The following NSD1 variants were observed in gnomAD, a reference collection of about 807,000 sequenced individuals.
NSD1 encodes nuclear receptor binding SET domain protein 1.
A neutral mutation model predicts 242.7 loss-of-function variants in NSD1; 26 were observed. That is an observed-to-expected ratio of 0.11 (90% CI 0.08 to 0.15). The LOEUF is 0.15. Ranked by LOEUF, NSD1 falls within the 10% of genes least tolerant of loss-of-function variation. The pLI is 1.00. For synonymous variants in NSD1, 1,106 were observed against 1,178.1 expected (o/e 0.94, Z 1.25); for missense variants, 2,495 against 3,272.8 (o/e 0.76, Z 5.80).
At chr5:177,275,609 A>G (rs1194088791) in intron 17 of NSD1, among the ~76,000 whole-genome samples, 2 of 150,998 alleles carry the variant, frequency 1.3e-5, no homozygotes, top group African/African-American at 4.9e-5. Context: ...AATTTTTTGT[A>G]TTTTTAGTAG....
At chr5:177,254,897 T>A (rs1269536348) in intron 12 of NSD1, among the ~76,000 whole-genome samples, 4 of 152,194 alleles carry the variant, frequency 2.6e-5, no homozygotes, top group Non-Finnish European at 5.9e-5. Context: ...GGAAAGCTAT[T>A]ATCTTTGAGA....
At chr5:177,284,981 A>G (rs1759191720) in intron 20 of NSD1, among the ~76,000 whole-genome samples, 1 of 152,190 alleles carries the variant, frequency 6.6e-6, no homozygotes, top group Non-Finnish European at 1.5e-5. Context: ...AACCTCTAGG[A>G]TGTCAAAGAA....
At chr5:177,260,411 A>G (rs187650098) in intron 14 of NSD1, among the ~76,000 whole-genome samples, 104 of 147,068 alleles carry the variant, frequency 7.1e-4, no homozygotes, top group African/African-American at 2.5e-3. Flanking sequence ...CTATGGCACA[A>G]TCTCAGCTAA....
In NSD1 at chr5:177,212,110, T is replaced by C. The variant is rs2149849305; in HGVS notation, c.3711T>C (p.Cys1237=). Reference sequence around the variant, plus strand: ...CAGCTGGGCCACGGTTAAATGTTTGTGATAAATCCAGTGCCAGCATTGGTG... The same window carrying C: ...CAGCTGGGCCACGGTTAAATGTTTGCGATAAATCCAGTGCCAGCATTGGTG... ...LDSAGPRLNV[C]DKSSASIGDM... Residue 1237 remains cysteine (C), a synonymous_variant, in exon 5 of 23, where the codon TGT becomes TGC. Coordinates refer to ENST00000439151, the MANE Select transcript of NSD1 (RefSeq NM_022455.5). The C allele has an allele frequency of 6.2e-7, 1 of 1,613,978 alleles. No homozygotes were observed. The highest frequency in any genetic ancestry group is 8.5e-7 in the Non-Finnish European group (1 of 1,180,010).
chr5:177,215,439 G>A (rs1213369455), intron 5 of NSD1, among the ~76,000 whole-genome samples: 1 of 152,092 alleles, frequency 6.6e-6, no homozygotes, highest in Non-Finnish European at 1.5e-5. Context: ...GCCTCCCAAA[G>A]TGCTGGGATT....
At chr5:177,261,475 G>C (rs1341422364) in intron 14 of NSD1, among the ~76,000 whole-genome samples, 1 of 151,854 alleles carries the variant, frequency 6.6e-6, no homozygotes, top group African/African-American at 2.4e-5. Flanking sequence ...CTGACAACTT[G>C]ATTTTTGCTA....
At chr5:177,282,648 A>G in intron 19 of NSD1, 67 bp downstream of exon 19, 1 of 1,149,778 alleles carries the variant, frequency 8.7e-7, no homozygotes, top group Non-Finnish European at 1.3e-6. Flanking sequence ...CAGCCATAGT[A>G]TTTGTAGGCA....
In NSD1 at chr5:177,210,452, A is replaced by G; in HGVS notation, c.2053A>G (p.Lys685Glu). 1 of 1,614,168 alleles carries G rather than the reference A, an allele frequency of 6.2e-7. No individual in the cohort carries two copies. Among genetic ancestry groups the G allele is most frequent in the Non-Finnish European group, 8.5e-7 (1 of 1,180,038 alleles). ...ATCTATGCAGAAAAATGAAAAGATA[A>G]AGTATTCTAGGTTTGCTGCCACAAA... ...MLSMQKNEKI[K>E]YSRFAATNTR... Residue 685 changes from lysine (K) to glutamate (E), a missense_variant, in exon 5 of 23, where the codon AAG becomes GAG. Transcript: ENST00000439151.
Position 177,157,969 on chromosome 5 carries a change from T to C in NSD1, c.927+21939T>C, listed in dbSNP as rs540355234. ...CATTTTACTGCTGAATATTGCTTTG[T>C]ACTGATGCCACTTTTTGTTTGTCTT... On this transcript the variant is annotated intron_variant, in intron 2 of 22. Transcript: ENST00000439151. Among the ~76,000 whole-genome samples, 225 of 152,384 alleles carry C rather than the reference T, an allele frequency of 1.5e-3. 5 individuals carry two copies. In the South Asian group the frequency reaches 0.046, roughly 31 times the overall value.
intron 2 of NSD1, among the ~76,000 whole-genome samples, chr5:177,190,814 C>T (rs1231803828): frequency 6.6e-5 from 10 of 150,442 alleles, no homozygotes; most frequent in African/African-American, 2.2e-4. Flanking sequence ...GGACTACAGG[C>T]GCCCGCCACC....
At chr5:177,265,830 A>C in intron 14 of NSD1, 1 of 1,399,646 alleles carries the variant, frequency 7.1e-7, no homozygotes. Context: ...TCGATGTTGA[A>C]GTAGGCCACC....
rs61538775 is a variant in NSD1 at position 177,264,028 on chromosome 5, A to ATTTTTTTTTTTTTTTTTTTTTTTT, written c.5147-3531_5147-3508dup. 9.2e-4 allele frequency among the ~76,000 whole-genome samples: 70 copies of ATTTTTTTTTTTTTTTTTTTTTTTT among 76,384 alleles called. 13 individuals are homozygous for ATTTTTTTTTTTTTTTTTTTTTTTT. Among genetic ancestry groups the ATTTTTTTTTTTTTTTTTTTTTTTT allele is most frequent in the Non-Finnish European group, 1.3e-3 (51 of 40,756 alleles). The allele number at this position is 76,384 out of a possible 152,430, so 50.1% of individuals were successfully genotyped here. A position where few individuals can be genotyped will look rare whatever the true frequency, so the allele number is the denominator to read the frequency against. On this transcript the variant is annotated intron_variant, in intron 14 of 22. Transcript: ENST00000439151. ...AAGATGCATATGACTCAATGAACCA[A>ATTTTTTTTTTTTTTTTTTTTTTTT]TTTTTTTTTTTTTTTTTTTTTTTTT...
At chr5:177,201,086 C>T (rs1762477887) in intron 3 of NSD1, among the ~76,000 whole-genome samples, 1 of 152,044 alleles carries the variant, frequency 6.6e-6, no homozygotes, top group South Asian at 2.1e-4. Context: ...TGGGTTTCGC[C>T]ATGTTGGCCA....
intron 17 of NSD1, 68 bp from the exon 18 acceptor site, chr5:177,280,497 C>CT: frequency 6.2e-7 from 1 of 1,605,980 alleles, no homozygotes; most frequent in Non-Finnish European, 8.5e-7. Flanking sequence ...AAAAGTTTGC[C>CT]TTTTTCAGGA....
chr5:177,186,269 T>C (rs1251475347), intron 2 of NSD1, among the ~76,000 whole-genome samples: 6 of 149,690 alleles, frequency 4.0e-5, no homozygotes, highest in African/African-American at 1.5e-4. Flanking sequence ...CTAGCCTGCA[T>C]TACATAGGGA....
intron 5 of NSD1, among the ~76,000 whole-genome samples, chr5:177,219,082 T>C (rs181601590): frequency 1.3e-5 from 2 of 152,282 alleles, no homozygotes; most frequent in African/African-American, 4.8e-5. Context: ...TTCTGTCTTC[T>C]CGAGGTGTAA....
intron 2 of NSD1, among the ~76,000 whole-genome samples, chr5:177,153,220 T>C (rs1163872805): frequency 6.6e-6 from 1 of 151,566 alleles, no homozygotes; most frequent in Non-Finnish European, 1.5e-5. Context: ...TTTTTTTTTT[T>C]TTAATTATTT....
intron 2 of NSD1, among the ~76,000 whole-genome samples, chr5:177,142,541 C>T (rs1192070381): frequency 6.6e-6 from 1 of 152,104 alleles, no homozygotes; most frequent in Non-Finnish European, 1.5e-5. Context: ...ATAGCATATG[C>T]AAGTGGCCAG....
At chr5:177,186,057 A>T (rs1488750041) in intron 2 of NSD1, among the ~76,000 whole-genome samples, 2 of 104,796 alleles carry the variant, frequency 1.9e-5, no homozygotes, top group Admixed American at 1.5e-4. Flanking sequence ...ATATAATATA[A>T]CATATAATAT....
Sources: allele counts gnomAD v4.1 joint callset (sites outside exome capture counted in the v4.1 genomes callset), GRCh38; gene constraint gnomAD v4.1.1; transcripts MANE v1.5; gene names NCBI Gene and HGNC (gene_info 2026-07-23, HGNC 2026-07-21).